The following INO80 variants were observed in gnomAD, a reference collection of about 807,000 sequenced individuals.
INO80 encodes chromatin-remodeling ATPase INO80.
A neutral mutation model predicts 203.4 loss-of-function variants in INO80; 20 were observed. That is an observed-to-expected ratio of 0.10 (90% CI 0.07 to 0.14). The LOEUF (loss-of-function observed/expected upper bound fraction) is 0.14, where lower values mean the gene tolerates loss of function less well. INO80 is among the 10% of genes least tolerant of loss of function. The pLI, the probability that INO80 is intolerant of heterozygous loss-of-function variation, is 1.00. For missense variants in INO80, 1,419 were observed against 1,914.4 expected (o/e 0.74, Z 4.83); for synonymous variants, 726 against 685.2 (o/e 1.06, Z -0.93).
At chr15:41,104,686 AGCCACCAC>A (rs1374743894) in intron 1 of INO80, among the ~76,000 whole-genome samples, 84 of 152,020 alleles carry the variant, frequency 5.5e-4, no homozygotes, top group African/African-American at 2.0e-3. Context: ...TACAAGCATG[AGCCACCAC>A]ACCTGGCTAA....
At chr15:41,095,983 A>C in intron 2 of INO80, 55 bp from the exon 3 acceptor site, 1 of 1,544,848 alleles carries the variant, frequency 6.5e-7, no homozygotes, top group Non-Finnish European at 8.8e-7. Context: ...AATATAATTT[A>C]AAGTTAGAAC....
chr15:41,051,893 G>A (rs1468554476), intron 19 of INO80, among the ~76,000 whole-genome samples: 1 of 152,112 alleles, frequency 6.6e-6, no homozygotes, highest in Non-Finnish European at 1.5e-5. Flanking sequence ...GGCAGGCGGA[G>A]GTTGCAGTGA....
At chr15:40,988,883 T>C (rs2043777527) in intron 29 of INO80, among the ~76,000 whole-genome samples, 2 of 152,076 alleles carry the variant, frequency 1.3e-5, no homozygotes, top group South Asian at 2.1e-4. Flanking sequence ...GGCGTGGCAG[T>C]GCGTGCCTGC....
chr15:41,049,640 C>T (rs1381268423), intron 20 of INO80, among the ~76,000 whole-genome samples: 1 of 152,178 alleles, frequency 6.6e-6, no homozygotes, highest in Non-Finnish European at 1.5e-5. Flanking sequence ...TCACCCAGCA[C>T]TTTGGGAGGC....
intron 28 of INO80, 130 bp downstream of exon 28, chr15:41,005,463 T>C: frequency 6.9e-6 from 4 of 580,004 alleles, no homozygotes; most frequent in Non-Finnish European, 1.2e-5. Context: ...CTTCTTAAAA[T>C]GGCAGGAATT....
At chr15:41,028,861 A>C (rs1014934888) in intron 24 of INO80, among the ~76,000 whole-genome samples, 5 of 152,222 alleles carry the variant, frequency 3.3e-5, no homozygotes, top group Admixed American at 3.3e-4. Context: ...TCCCAAAAAA[A>C]AAAAGTATTT....
chr15:41,030,255 T>C (rs181495033), intron 24 of INO80, among the ~76,000 whole-genome samples: 24 of 152,328 alleles, frequency 1.6e-4, no homozygotes, highest in African/African-American at 5.5e-4. Flanking sequence ...CAACTCACCA[T>C]AGGGAGTTCT....
At chr15:41,112,852 T>G (rs1003017726) in intron 1 of INO80, among the ~76,000 whole-genome samples, 2 of 151,266 alleles carry the variant, frequency 1.3e-5, no homozygotes, top group Non-Finnish European at 2.9e-5. Flanking sequence ...AGTCTCCTAT[T>G]AACCCCAACC....
chr15:41,031,850 CAA>C (rs2044479570), intron 24 of INO80, among the ~76,000 whole-genome samples: 1 of 152,028 alleles, frequency 6.6e-6, no homozygotes, highest in Admixed American at 6.6e-5. Flanking sequence ...TCGCACCATA[CAA>C]AAGTCTCAAG....
intron 1 of INO80, among the ~76,000 whole-genome samples, chr15:41,114,279 A>AC (rs1566955013): frequency 6.6e-6 from 1 of 152,030 alleles, no homozygotes; most frequent in East Asian, 1.9e-4. Context: ...AAAACAAAAA[A>AC]AAAAAAACAT....
chr15:41,096,976 T>C (rs2045734636), intron 1 of INO80, among the ~76,000 whole-genome samples: 1 of 152,222 alleles, frequency 6.6e-6, no homozygotes, highest in African/African-American at 2.4e-5. Flanking sequence ...AGCCTAAGCA[T>C]TCTCTTTGCT....
At chr15:41,009,281 T>C (rs998868227) in intron 27 of INO80, among the ~76,000 whole-genome samples, 1 of 151,628 alleles carries the variant, frequency 6.6e-6, no homozygotes, top group Admixed American at 6.6e-5. Flanking sequence ...GTGCACAATG[T>C]GCAGGTTAGT....
chr15:41,088,192 C>T (rs573556669), intron 5 of INO80, among the ~76,000 whole-genome samples: 16 of 149,196 alleles, frequency 1.1e-4, no homozygotes, highest in Non-Finnish European at 1.6e-4. Flanking sequence ...TTGGTTCAAG[C>T]GATTCTCGTG....
At chr15:41,047,639 G>A in intron 22 of INO80, 138 bp from the exon 23 acceptor site, 1 of 608,846 alleles carries the variant, frequency 1.6e-6, no homozygotes, top group South Asian at 2.0e-5. Context: ...TTTGGTGCAA[G>A]TTAGGGTGCC....
Position 41,055,233 on chromosome 15 carries a change from A to C in INO80, c.2188+14T>G. The C allele has an allele frequency of 6.8e-7, 1 of 1,472,244 alleles. No homozygotes were observed. The highest frequency in any genetic ancestry group is 9.5e-7 in the Non-Finnish European group (1 of 1,055,684). The allele number at this position is 1,472,244 out of a possible 1,614,324, so 91.2% of individuals were successfully genotyped here. ...TGATAGGTAGATAGAAAGCCAGCTC[A>C]TAACAGTACTCACTCTCATCAATAG... is the stretch of plus-strand genomic sequence containing the variant. On this transcript the variant is annotated intron_variant, in intron 18 of 35. Transcript: ENST00000648947.
At chr15:41,022,108 A>C (rs2044302781) in intron 25 of INO80, among the ~76,000 whole-genome samples, 1 of 152,266 alleles carries the variant, frequency 6.6e-6, no homozygotes, top group Admixed American at 6.5e-5. Flanking sequence ...TGATGCACTA[A>C]GGAAATGCTC....
chr15:40,994,531 A>AT (rs567331718), intron 29 of INO80, among the ~76,000 whole-genome samples: 134 of 150,150 alleles, frequency 8.9e-4, no homozygotes, highest in Non-Finnish European at 1.6e-3. Flanking sequence ...GCTCAGCTAA[A>AT]TTTTTTTGTA....
At chr15:41,060,600 T>C (rs1160963208) in intron 14 of INO80, among the ~76,000 whole-genome samples, 3 of 151,536 alleles carry the variant, frequency 2.0e-5, no homozygotes, top group South Asian at 2.1e-4. Flanking sequence ...AGAACAAAAA[T>C]TGTAGTTCAA....
chr15:41,052,656 G>A lies in INO80; in HGVS notation c.2274+1273C>T, dbSNP rs924305031. 2.2e-5 allele frequency among the ~76,000 whole-genome samples: 3 copies of A among 138,820 alleles called. No individual in the cohort carries two copies. The Admixed American group carries it at 2.3e-4, about 11-fold the overall frequency. 91.1% of individuals were successfully genotyped at this position (138,820 alleles called of 152,430 possible). On this transcript the variant is annotated intron_variant, in intron 19 of 35. Coordinates refer to ENST00000648947, the MANE Select transcript of INO80 (RefSeq NM_017553.3). ...CCACTGCATTCCACCATGGGTGACA[G>A]AGCGAGCCCTTGTCTTACAAAAAAA...
Sources: allele counts gnomAD v4.1 joint callset (sites outside exome capture counted in the v4.1 genomes callset), GRCh38; gene constraint gnomAD v4.1.1; transcripts MANE v1.5; gene names NCBI Gene and HGNC (gene_info 2026-07-23, HGNC 2026-07-21).